Variants in NRXN3 observed in about 807,000 individuals in gnomAD.
NRXN3 encodes the protein neurexin III.
Under a neutral mutation model 137.6 loss-of-function variants are expected in NRXN3, and 32 were observed. The observed-to-expected ratio is 0.23, with a 90% confidence interval of 0.18 to 0.31. The LOEUF (loss-of-function observed/expected upper bound fraction) is 0.31. NRXN3 is among the 10% of genes least tolerant of loss of function. The probability of loss-of-function intolerance (pLI) is 1.00; values close to 1 mark genes in which losing one functional copy is unlikely to be tolerated. For synonymous variants in NRXN3, 798 were observed against 784.5 expected, an observed-to-expected ratio of 1.02 and a Z score of -0.29; for missense variants, 1,574 against 2,062.5, an observed-to-expected ratio of 0.76 and a Z score of 4.59.
In NRXN3 at chr14:79,556,864, A is replaced by G. The variant is rs147243510; in HGVS notation, c.3444+89462A>G. Among the ~76,000 whole-genome samples the G allele has an allele frequency of 5.1e-3, 770 of 152,270 alleles. 8 individuals carry two copies. Among genetic ancestry groups the G allele is most frequent in the African/African-American group, 0.018 (733 of 41,558 alleles). ...AGCCACTGCACCCAGTCAACTAGCC[A>G]TGTCTTTTGGTCCAACCCAATGTTG... is the stretch of plus-strand genomic sequence containing the variant. On this transcript the variant is annotated intron_variant, in intron 16 of 20. Transcript: ENST00000335750.
intron 19 of NRXN3, among the ~76,000 whole-genome samples, chr14:79,703,632 GCCCCCCTGAT>G (rs2098764141): frequency 6.6e-6 from 1 of 151,922 alleles, no homozygotes; most frequent in South Asian, 2.1e-4. Context: ...TGGGGAAACT[GCCCCCCTGAT>G]CCCCCCTCCC....
intron 4 of NRXN3, chr14:78,614,826 C>T: frequency 5.4e-6 from 2 of 368,498 alleles, no homozygotes; most frequent in Non-Finnish European, 5.4e-6. Context: ...AATGAAACAA[C>T]TCTTGTGGGC....
chr14:79,279,947 T>A, intron 15 of NRXN3: 1 of 1,110,770 alleles, frequency 9.0e-7, no homozygotes, highest in South Asian at 2.8e-5. Flanking sequence ...GTCATCAGAC[T>A]CGAAGTGCCT....
chr14:79,778,074 A>G (rs2099102770), intron 19 of NRXN3, among the ~76,000 whole-genome samples: 1 of 152,220 alleles, frequency 6.6e-6, no homozygotes, highest in Admixed American at 6.5e-5. Context: ...ACCAGTAAGC[A>G]TGTGCATGTA....
At chr14:78,744,709 C>T (rs1464772839) in intron 8 of NRXN3, 2 of 152,148 alleles carry the variant, frequency 1.3e-5, no homozygotes, top group African/African-American at 4.8e-5. Context: ...TTTAATGACG[C>T]TGCACTAAGG....
chr14:79,205,862 A>G (rs1012098370), intron 15 of NRXN3, among the ~76,000 whole-genome samples: 1 of 152,144 alleles, frequency 6.6e-6, no homozygotes, highest in Non-Finnish European at 1.5e-5. Flanking sequence ...TTTTGCCTCT[A>G]TTTCAAGGAA....
chr14:78,424,657 A>G (rs555220674), intron 4 of NRXN3, among the ~76,000 whole-genome samples: 1 of 152,318 alleles, frequency 6.6e-6, no homozygotes, highest in African/African-American at 2.4e-5. Flanking sequence ...TTCAGGTATT[A>G]CCTTTGGAGG....
chr14:79,549,095 G>T (rs577600027), intron 16 of NRXN3, among the ~76,000 whole-genome samples: 15 of 152,220 alleles, frequency 9.9e-5, no homozygotes, highest in African/African-American at 3.6e-4. Flanking sequence ...AGTGCTCTCT[G>T]AATTCAGTGT....
At chr14:79,279,706 G>T (rs1004677019) in intron 15 of NRXN3, 53 of 986,050 alleles carry the variant, frequency 5.4e-5, no homozygotes, top group South Asian at 2.8e-4. Flanking sequence ...AAAGCCTCGC[G>T]CCCTTCCGCG....
chr14:79,399,025 A>AAAG (rs1555424153), intron 15 of NRXN3, among the ~76,000 whole-genome samples: 32 of 150,506 alleles, frequency 2.1e-4, no homozygotes, highest in Non-Finnish European at 3.1e-4. Flanking sequence ...AAAAAAAAAA[A>AAAG]AAGAAGAAGA....
At chr14:79,146,460 T>C (rs989790697) in intron 15 of NRXN3, among the ~76,000 whole-genome samples, 1 of 152,112 alleles carries the variant, frequency 6.6e-6, no homozygotes, top group Non-Finnish European at 1.5e-5. Flanking sequence ...TCAGCTTTAT[T>C]TTCATTTTAG....
chr14:78,500,630 C>T (rs2095861657), intron 4 of NRXN3, among the ~76,000 whole-genome samples: 1 of 152,176 alleles, frequency 6.6e-6, no homozygotes, highest in South Asian at 2.1e-4. Context: ...ACTCTACATG[C>T]ATCTGACTGA....
At chr14:78,901,122 G>A (rs2099194624) in intron 10 of NRXN3, among the ~76,000 whole-genome samples, 1 of 151,930 alleles carries the variant, frequency 6.6e-6, no homozygotes, top group African/African-American at 2.4e-5. Context: ...TTCTGCTCAT[G>A]ATACCTTTAA....
At chr14:78,683,185 G>T (rs377364293) in intron 6 of NRXN3, among the ~76,000 whole-genome samples, 1 of 152,110 alleles carries the variant, frequency 6.6e-6, no homozygotes, top group Non-Finnish European at 1.5e-5. Context: ...GATATATTAG[G>T]TTAAGTAAAA....
intron 15 of NRXN3, among the ~76,000 whole-genome samples, chr14:79,387,169 T>C (rs1242298815): frequency 1.3e-5 from 2 of 152,052 alleles, no homozygotes; most frequent in Non-Finnish European, 2.9e-5. Context: ...ACAGGCAACC[T>C]ATAGAATGGG....
intron 15 of NRXN3, chr14:79,281,931 G>A (rs2081341693): frequency 1.3e-5 from 2 of 152,198 alleles, no homozygotes; most frequent in Admixed American, 1.3e-4. Context: ...TTGAGAAAAT[G>A]CCAGCACATA....
intron 4 of NRXN3, among the ~76,000 whole-genome samples, chr14:78,627,369 G>C (rs896311663): frequency 6.6e-6 from 1 of 152,262 alleles, no homozygotes; most frequent in East Asian, 1.9e-4. Context: ...AGGCTACACT[G>C]TTGCAGTGGA....
At chr14:79,834,565 G>A (rs905123674) in intron 20 of NRXN3, among the ~76,000 whole-genome samples, 9 of 152,126 alleles carry the variant, frequency 5.9e-5, no homozygotes, top group East Asian at 1.9e-4. Flanking sequence ...ATGTAGCCAC[G>A]CATCTGTTCT....
intron 19 of NRXN3, among the ~76,000 whole-genome samples, chr14:79,761,745 G>C (rs1249471471): frequency 6.7e-6 from 1 of 149,544 alleles, no homozygotes; most frequent in Non-Finnish European, 1.5e-5. Flanking sequence ...TTCAGCAGTA[G>C]TGTCCAGTTT....
Sources: gnomAD v4.1 joint callset for allele counts (sites outside exome capture counted in the v4.1 genomes callset) on GRCh38, gnomAD v4.1.1 for gene constraint, MANE v1.5 for transcripts, NCBI Gene and HGNC (gene_info 2026-07-23, HGNC 2026-07-21) for gene names.